ERICH5: variants seen among roughly 807,000 people sequenced by gnomAD.
ERICH5 encodes the protein glutamate-rich protein 5.
ERICH5 carries 24 observed loss-of-function variants against 28.0 expected under a neutral mutation model. That is an observed-to-expected ratio of 0.86 (90% CI 0.62 to 1.21). ERICH5 has a LOEUF of 1.21. ERICH5 is among the 50% of genes most tolerant of loss of function. The probability of loss-of-function intolerance (pLI) is 0.00; values close to 1 mark genes in which losing one functional copy is unlikely to be tolerated. For missense variants in ERICH5, 421 were observed against 441.2 expected, an observed-to-expected ratio of 0.95 and a Z score of 0.41; for synonymous variants, 163 against 157.6, an observed-to-expected ratio of 1.03 and a Z score of -0.25.
Position 98,069,437 on chromosome 8 carries a change from C to T in ERICH5, c.58+4710C>T, listed in dbSNP as rs552665600. ...ATTTATGCATTGCAAATATTATTTC[C>T]TTCTCTCATCTTTATTTATAAAATG... On this transcript the variant is annotated intron_variant, in intron 1 of 2. Coordinates refer to ENST00000318528, the MANE Select transcript of ERICH5 (RefSeq NM_173549.3). Among the ~76,000 whole-genome samples the T allele has an allele frequency of 1.9e-3, 293 of 150,580 alleles. 2 individuals carry two copies. The highest frequency in any genetic ancestry group is 6.9e-3 in the African/African-American group (281 of 40,946).
chr8:98,093,417 TA>T lies in ERICH5; in HGVS notation c.*85del. 1.2e-6 allele frequency: 1 copy of T among 850,048 alleles called. No homozygotes were observed. The highest frequency in any genetic ancestry group is 1.7e-5 in the South Asian group (1 of 57,896). The allele number at this position is 850,048 out of a possible 1,614,324, so 52.7% of individuals were successfully genotyped here. ...CTTGTGGTTATGTATCTTATCTTTC[TA>T]CATTTACATGTTTTCTGTAAGGAGT... On this transcript the variant is annotated 3_prime_UTR_variant, in exon 3 of 3. Transcript: ENST00000318528.
intron 1 of ERICH5, among the ~76,000 whole-genome samples, chr8:98,079,165 CCTT>C (rs1183731785): frequency 1.7e-4 from 8 of 46,498 alleles, no homozygotes; most frequent in Non-Finnish European, 5.1e-4. Context: ...TTTTTTTTTT[CCTT>C]TTTTTTTTTT....
chr8:98,090,186 A>G (rs1395832633), intron 2 of ERICH5, among the ~76,000 whole-genome samples, 157 bp downstream of exon 2: 1 of 152,200 alleles, frequency 6.6e-6, no homozygotes, highest in African/African-American at 2.4e-5. Flanking sequence ...TGCCTGGGAA[A>G]GAGGCATTCT....
intron 1 of ERICH5, among the ~76,000 whole-genome samples, chr8:98,078,210 C>T (rs1468239515): frequency 6.6e-6 from 1 of 152,162 alleles, no homozygotes; most frequent in African/African-American, 2.4e-5. Flanking sequence ...AGGGAAAAAA[C>T]ATCTAGAATA....
At chr8:98,079,745 G>A (rs1038594264) in intron 1 of ERICH5, among the ~76,000 whole-genome samples, 5 of 152,074 alleles carry the variant, frequency 3.3e-5, no homozygotes, top group African/African-American at 1.2e-4. Flanking sequence ...TCACCATGTT[G>A]GCCAGTCTGG....
intron 1 of ERICH5, among the ~76,000 whole-genome samples, chr8:98,076,648 C>T (rs1815060683): frequency 6.6e-6 from 1 of 152,108 alleles, no homozygotes; most frequent in Admixed American, 6.6e-5. Context: ...ACATCCCCAT[C>T]CAGCAATCCT....
intron 1 of ERICH5, among the ~76,000 whole-genome samples, chr8:98,068,698 A>G (rs959641136): frequency 6.6e-6 from 1 of 152,176 alleles, no homozygotes; most frequent in Non-Finnish European, 1.5e-5. Flanking sequence ...ATGGATAATC[A>G]CTGCTCGAAT....
chr8:98,064,785 C>T (rs1814789776), intron 1 of ERICH5, 58 bp downstream of exon 1: 3 of 1,428,702 alleles, frequency 2.1e-6, no homozygotes, highest in African/African-American at 2.8e-5. Flanking sequence ...GGGCTAACTC[C>T]CCAGGAGGTC....
chr8:98,091,828 CTT>C lies in ERICH5; in HGVS notation c.1013-1389_1013-1388del, dbSNP rs35881391. Among the ~76,000 whole-genome samples the C allele has an allele frequency of 3.9e-3, 580 of 148,254 alleles. 3 individuals carry two copies. The highest frequency in any genetic ancestry group is 7.1e-3 in the Middle Eastern group (2 of 280). On this transcript the variant is annotated intron_variant, in intron 2 of 2. Transcript: ENST00000318528. ...TACAAATTAGACTTTCTTTTTCTTT[CTT>C]TTTCTTTTTCTTTCTTTCTTTCTTT...
intron 1 of ERICH5, among the ~76,000 whole-genome samples, chr8:98,077,142 G>A (rs1221647631): frequency 6.6e-6 from 1 of 151,994 alleles, no homozygotes; most frequent in African/African-American, 2.4e-5. Context: ...ACTATATAAT[G>A]GGGATAACAA....
intron 1 of ERICH5, among the ~76,000 whole-genome samples, chr8:98,078,328 G>T (rs1815097943): frequency 2.0e-5 from 3 of 152,164 alleles, no homozygotes; most frequent in African/African-American, 7.2e-5. Flanking sequence ...TACTCCTCTG[G>T]GGTTGACTCG....
chr8:98,091,200 T>G (rs1815376610), intron 2 of ERICH5, among the ~76,000 whole-genome samples: 2 of 152,198 alleles, frequency 1.3e-5, no homozygotes, highest in Non-Finnish European at 2.9e-5. Flanking sequence ...CCTCCCAAAG[T>G]GCCGGGATTA....
chr8:98,082,698 G>A (rs897773038), intron 1 of ERICH5, among the ~76,000 whole-genome samples: 2 of 151,224 alleles, frequency 1.3e-5, no homozygotes, highest in African/African-American at 2.4e-5. Flanking sequence ...ATAGAGAGAC[G>A]CTGTTTCTAA....
At chr8:98,092,415 G>T (rs1815425159) in intron 2 of ERICH5, among the ~76,000 whole-genome samples, 1 of 152,182 alleles carries the variant, frequency 6.6e-6, no homozygotes, top group Non-Finnish European at 1.5e-5. Context: ...GCCTGCCTCA[G>T]CTTTCCAAAT....
rs759555054 is a variant in ERICH5 at position 98,089,968 on chromosome 8, A to G, written c.951A>G (p.Ala317=). The G allele has an allele frequency of 6.2e-7, 1 of 1,614,206 alleles. No homozygotes were observed. The highest frequency in any genetic ancestry group is 8.5e-7 in the Non-Finnish European group (1 of 1,180,042). ...AGCATCCAGCACGAAATGTAGAGGC[A>G]GGAGCATATGTGGAAATGATCAGGA... is the stretch of plus-strand genomic sequence containing the variant. The part of the protein sequence containing the change: ...SMEHPARNVE[A]GAYVEMIRNI... Residue 317 remains alanine, a synonymous_variant, in exon 2 of 3, where the codon GCA becomes GCG. Coordinates refer to ENST00000318528, the MANE Select transcript of ERICH5 (RefSeq NM_173549.3).
chr8:98,083,826 C>G (rs1258283169), intron 1 of ERICH5, among the ~76,000 whole-genome samples: 1 of 152,126 alleles, frequency 6.6e-6, no homozygotes, highest in Non-Finnish European at 1.5e-5. Context: ...ATGCCCCAGC[C>G]TGAGCAATTC....
intron 1 of ERICH5, among the ~76,000 whole-genome samples, chr8:98,071,915 AT>A (rs5893447): frequency 0.53 from 77,687 of 146,546 alleles, 20,771 homozygotes; most frequent in African/African-American, 0.64. Flanking sequence ...GTTTTATTTT[AT>A]TTTTTTTTTT....
intron 1 of ERICH5, among the ~76,000 whole-genome samples, chr8:98,083,172 GGAT>G (rs1410141516): frequency 1.3e-5 from 2 of 152,128 alleles, no homozygotes; most frequent in Non-Finnish European, 2.9e-5. Flanking sequence ...TGGCACAGGT[GGAT>G]GAAAATGGTT....
At chr8:98,088,818 G>A (rs1190997881) in intron 1 of ERICH5, among the ~76,000 whole-genome samples, 1 of 152,214 alleles carries the variant, frequency 6.6e-6, no homozygotes, top group African/African-American at 2.4e-5. Context: ...ATGAAAAGAT[G>A]CACAAGGAGC....
Sources: allele counts gnomAD v4.1 joint callset (sites outside exome capture counted in the v4.1 genomes callset), GRCh38; gene constraint gnomAD v4.1.1; transcripts MANE v1.5; gene names NCBI Gene and HGNC (gene_info 2026-07-23, HGNC 2026-07-21).